Variants in CAPN9 observed in about 807,000 individuals in gnomAD.
CAPN9 encodes calpain-9.
Under a neutral mutation model 92.8 loss-of-function variants are expected in CAPN9, and 81 were observed. That is an observed-to-expected ratio of 0.87 (90% CI 0.73 to 1.05). CAPN9 has a LOEUF of 1.05. Among genes scored for constraint, CAPN9 ranks in the 50% least tolerant of loss-of-function variants. CAPN9 has a pLI of 0.00. For synonymous variants in CAPN9, 304 were observed against 328.0 expected (o/e 0.93, Z 0.79); for missense variants, 848 against 866.2 (o/e 0.98, Z 0.26).
At position 230,769,165 on chromosome 1, in the gene CAPN9, C is replaced by T. The variant is rs11122593; in HGVS notation, c.706-15C>T. 0.3 allele frequency: 487,343 copies of T among 1,609,984 alleles called. 80,895 individuals carry two copies. Among genetic ancestry groups the T allele is most frequent in the Non-Finnish European group, 0.35 (406,936 of 1,176,530 alleles). ...CTTAGACGGTGGGTGTGACTCTGCT[C>T]TTTCCATGTTTTAGACCAGAAGTGC... On this transcript the variant is annotated splice_polypyrimidine_tract_variant and intron_variant, in intron 5 of 19. Transcript: ENST00000271971.
intron 7 of CAPN9, 53 bp downstream of exon 7, chr1:230,772,152 G>C (rs16852629): frequency 6.8e-7 from 1 of 1,479,510 alleles, no homozygotes; most frequent in East Asian, 2.3e-5. Flanking sequence ...TGTGGGGCCA[G>C]AGCTGGCTTG....
rs750327770 is a variant in CAPN9 at position 230,779,153 on chromosome 1, C to A, written c.1114+20C>A. The A allele has an allele frequency of 2.5e-6, 4 of 1,610,278 alleles. No individual in the cohort carries two copies. Among genetic ancestry groups the A allele is most frequent in the Non-Finnish European group, 3.4e-6 (4 of 1,178,644 alleles). On this transcript the variant is annotated intron_variant, in intron 9 of 19. Coordinates refer to ENST00000271971, the MANE Select transcript of CAPN9 (RefSeq NM_006615.3). ...TCCTGGGTAGGTAGGCTGCCTGTCACTCTCTCTGCCACTCCCAAGTGTCCC... is the reference window on the plus strand; with the variant it reads ...TCCTGGGTAGGTAGGCTGCCTGTCAATCTCTCTGCCACTCCCAAGTGTCCC...
intron 16 of CAPN9, 142 bp from the exon 17 acceptor site, chr1:230,792,708 T>A (rs1668085451): frequency 1.3e-6 from 1 of 787,836 alleles, no homozygotes; most frequent in East Asian, 2.4e-5. Context: ...GGAGACCGAC[T>A]TCTTTTGGAA....
intron 1 of CAPN9, among the ~76,000 whole-genome samples, chr1:230,749,200 C>T (rs768841984): frequency 7.2e-5 from 11 of 152,186 alleles, no homozygotes; most frequent in East Asian, 1.9e-4. Flanking sequence ...CCTTCCTCAC[C>T]GAAGCCACGC....
At chr1:230,767,344 G>T (rs1666053580) in intron 4 of CAPN9, among the ~76,000 whole-genome samples, 197 bp from the exon 5 acceptor site, 1 of 152,108 alleles carries the variant, frequency 6.6e-6, no homozygotes, top group South Asian at 2.1e-4. Flanking sequence ...TCCCTTGCAG[G>T]AAGGTCAGGA....
rs774263571 is a variant in CAPN9, at chr1:230,747,447, T to G, written c.-50T>G. On this transcript the variant is annotated 5_prime_UTR_variant, in exon 1 of 20. Coordinates refer to ENST00000271971, the MANE Select transcript of CAPN9 (RefSeq NM_006615.3). The stretch of plus-strand genomic sequence containing the variant: ...CGGCACACACAGCTCGCTTCTTCAC[T>G]TTCTTTTCCATCCACTGCCGGACCC... 1.3e-6 allele frequency: 2 copies of G among 1,523,502 alleles called. No homozygotes were observed. The highest frequency in any genetic ancestry group is 2.2e-5 in the South Asian group (2 of 89,130). The allele number at this position is 1,523,502 out of a possible 1,614,324, so 94.4% of individuals were successfully genotyped here.
chr1:230,758,931 T>C (rs571718558), intron 2 of CAPN9, among the ~76,000 whole-genome samples: 1 of 152,230 alleles, frequency 6.6e-6, no homozygotes, highest in African/African-American at 2.4e-5. Context: ...GATGTTTGAC[T>C]TCACTTTTTA....
intron 15 of CAPN9, 136 bp from the exon 16 acceptor site, chr1:230,792,290 C>A: frequency 1.4e-6 from 1 of 700,874 alleles, no homozygotes. Context: ...TCATTAAAAC[C>A]ACTTCCCCAG....
chr1:230,792,615 A>G, intron 16 of CAPN9, 121 bp downstream of exon 16: 2 of 841,386 alleles, frequency 2.4e-6, no homozygotes, highest in South Asian at 1.4e-5. Context: ...CGGACAGGGG[A>G]GAAGGGAAAA....
At position 230,780,086 on chromosome 1, in the gene CAPN9, G is replaced by C. The variant is rs974043788; in HGVS notation, c.1115-93G>C. ...AGGGCAGATAGGTGTATGTGCGTGT[G>C]TGTGTGTGTGTGTGTGTGTGTGTGT... On this transcript the variant is annotated intron_variant, in intron 9 of 19. Coordinates refer to ENST00000271971, the MANE Select transcript of CAPN9 (RefSeq NM_006615.3). The C allele has an allele frequency of 1.4e-3, 146 of 102,378 alleles. No individual in the cohort carries two copies. In the South Asian group the frequency reaches 0.021, roughly 15 times the overall value. 6.3% of individuals were successfully genotyped at this position (102,378 alleles called of 1,614,324 possible).
intron 11 of CAPN9, among the ~76,000 whole-genome samples, chr1:230,784,907 G>T (rs7532849): frequency 0.17 from 25,484 of 152,196 alleles, 2,243 homozygotes; most frequent in Middle Eastern, 0.22. Context: ...AAAGCCACAG[G>T]TACTCAACAA....
intron 5 of CAPN9, 137 bp downstream of exon 5, chr1:230,767,846 C>G: frequency 2.6e-6 from 2 of 778,834 alleles, no homozygotes; most frequent in East Asian, 2.6e-5. Flanking sequence ...GTGTTTATTC[C>G]TGCTAATTAA....
At chr1:230,750,602 G>A (rs907275690) in intron 1 of CAPN9, among the ~76,000 whole-genome samples, 4 of 152,232 alleles carry the variant, frequency 2.6e-5, no homozygotes, top group Admixed American at 6.5e-5. Flanking sequence ...GCAGACCTCT[G>A]TGGCTTGGGC....
chr1:230,776,242 TCTCTGG>T (rs1434095570), intron 8 of CAPN9: 1 of 152,138 alleles, frequency 6.6e-6, no homozygotes, highest in Non-Finnish European at 1.5e-5. Context: ...GCAAGGCAGC[TCTCTGG>T]GGCCTCTTTT....
chr1:230,755,832 G>A (rs554493430), intron 2 of CAPN9, among the ~76,000 whole-genome samples: 18 of 152,292 alleles, frequency 1.2e-4, no homozygotes, highest in Non-Finnish European at 2.4e-4. Flanking sequence ...TAAGTAACTT[G>A]TCCAAGGTCA....
chr1:230,771,721 C>G (rs369370027), intron 6 of CAPN9, among the ~76,000 whole-genome samples: 2 of 152,188 alleles, frequency 1.3e-5, no homozygotes, highest in African/African-American at 4.8e-5. Context: ...TTCATATGGA[C>G]TAATTTCTTG....
Position 230,759,615 on chromosome 1 carries a change from G to C in CAPN9, c.387G>C (p.Gly129=), listed in dbSNP as rs760374979. 2.5e-6 allele frequency: 4 copies of C among 1,605,128 alleles called. No individual in the cohort carries two copies. The Admixed American group carries it at 6.9e-5, about 28-fold the overall frequency. Residue 129 remains glycine, a synonymous_variant, in exon 3 of 20, where the codon GGG becomes GGC. Coordinates refer to ENST00000271971, the MANE Select transcript of CAPN9 (RefSeq NM_006615.3). The part of the protein sequence containing the change: ...QDQSFGPGYA[G]IFHFQFWQHS... Reference sequence around the variant, plus strand: ...AAAGCTTTGGCCCTGGTTATGCCGGGATATTCCATTTCCAGGTAAGAGGGA... The same window carrying C: ...AAAGCTTTGGCCCTGGTTATGCCGGCATATTCCATTTCCAGGTAAGAGGGA...
intron 13 of CAPN9, 41 bp from the exon 14 acceptor site, chr1:230,790,091 G>T (rs1253862388): frequency 1.3e-6 from 2 of 1,518,682 alleles, no homozygotes; most frequent in Admixed American, 1.7e-5. Context: ...ATAAAAGAAG[G>T]TGCCAAGGGC....
chr1:230,747,833 C>A, intron 1 of CAPN9, 124 bp downstream of exon 1: 1 of 813,126 alleles, frequency 1.2e-6, no homozygotes, highest in South Asian at 1.6e-5. Context: ...GTGCATCATC[C>A]CAGTCTACCG....
Sources: allele counts gnomAD v4.1 joint callset (sites outside exome capture counted in the v4.1 genomes callset), GRCh38; gene constraint gnomAD v4.1.1; transcripts MANE v1.5; gene names NCBI Gene and HGNC (gene_info 2026-07-23, HGNC 2026-07-21).